Variants in MRPL2 observed in about 807,000 individuals in gnomAD.
MRPL2 encodes the protein large ribosomal subunit protein uL2m.
Under a neutral mutation model 34.6 loss-of-function variants are expected in MRPL2, and 27 were observed. That is an observed-to-expected ratio of 0.78 (90% confidence interval 0.58 to 1.08). The LOEUF (loss-of-function observed/expected upper bound fraction) is 1.08. MRPL2 is among the 50% of genes least tolerant of loss of function. The probability of loss-of-function intolerance (pLI) is 0.00; values close to 1 mark genes in which losing one functional copy is unlikely to be tolerated. For missense variants in MRPL2, 414 were observed against 419.3 expected (o/e 0.99, Z 0.11); for synonymous variants, 155 against 158.0 (o/e 0.98, Z 0.14).
rs1350279814 is a variant in MRPL2, at chr6:43,056,437, G to C, written c.274C>G (p.Arg92Gly). The change falls in exon 3 of 7, where the codon CGG (arginine) becomes GGG (glycine). Residue 92 changes from arginine (R) to glycine (G), a missense_variant. By Grantham distance (125) the Arg-to-Gly change is moderately radical. Coordinates refer to ENST00000388752, the MANE Select transcript of MRPL2 (RefSeq NM_015950.5). Reference protein sequence around the residue: ...SGGRDHTGRIRVHGIGGGHKQ... With the variant: ...SGGRDHTGRIGVHGIGGGHKQ... ...TGGCCCCCGCCAATACCATGCACCC[G>C]GATTCGGCCTGTGGTTTAGGACAGT... The C allele has an allele frequency of 6.2e-7, 1 of 1,614,034 alleles. No individual in the cohort carries two copies. Among genetic ancestry groups the C allele is most frequent in the Non-Finnish European group, 8.5e-7 (1 of 1,180,030 alleles).
chr6:43,055,413 T>C (rs1251326266), intron 6 of MRPL2, 132 bp downstream of exon 6: 1 of 801,656 alleles, frequency 1.2e-6, no homozygotes, highest in Non-Finnish European at 2.0e-6. Context: ...CTGAGTCATG[T>C]GGCAGAAAAG....
chr6:43,059,500 T>G (rs1486935137), upstream of MRPL2: 11 of 1,445,998 alleles, frequency 7.6e-6, no homozygotes, highest in Non-Finnish European at 1.0e-5. Context: ...GAGCCCAAGC[T>G]GGATACACAC....
At position 43,055,473 on chromosome 6, in the gene MRPL2, T is replaced by C; in HGVS notation, c.705+72A>G. 2.1e-6 allele frequency: 3 copies of C among 1,434,222 alleles called. No individual in the cohort carries two copies. In the South Asian group the frequency reaches 3.6e-5, roughly 17 times the overall value. The allele number at this position is 1,434,222 out of a possible 1,614,324, so 88.8% of individuals were successfully genotyped here. On this transcript the variant is annotated intron_variant, in intron 6 of 6. Coordinates refer to ENST00000388752, the MANE Select transcript of MRPL2 (RefSeq NM_015950.5). ...CTTGCATCATAAAACACCTGGGAGC[T>C]ATCCCAGACAGGAAAGTTACATTCC... is the stretch of plus-strand genomic sequence containing the variant.
upstream of MRPL2, chr6:43,059,704 C>T (rs181359651): frequency 2.3e-4 from 296 of 1,293,396 alleles, no homozygotes; most frequent in African/African-American, 4.1e-3. Context: ...TTGAGGGTAT[C>T]CTGGGGCTGA....
In MRPL2 at chr6:43,054,249, G is replaced by GGC. The variant is rs1554140894; in HGVS notation, c.*23_*24dup. The stretch of plus-strand genomic sequence containing the variant: ...GTAACAGATTAAAACGGGGGGGGGG[G>GGC]GCATTTTATTAGAGTACAGGGATAT... On this transcript the variant is annotated 3_prime_UTR_variant, in exon 7 of 7. Transcript: ENST00000388752. 1 of 1,378,386 alleles carries GGC rather than the reference G, an allele frequency of 7.3e-7. No individual in the cohort carries two copies. The highest frequency in any genetic ancestry group is 9.9e-7 in the Non-Finnish European group (1 of 1,008,120). The allele number at this position is 1,378,386 out of a possible 1,614,324, so 85.4% of individuals were successfully genotyped here.
At chr6:43,058,298 G>A in intron 1 of MRPL2, 65 bp from the exon 2 acceptor site, 1 of 1,521,928 alleles carries the variant, frequency 6.6e-7, no homozygotes, top group Non-Finnish European at 9.1e-7. Context: ...AGAGAACCAA[G>A]GCAGAGGGCA....
At chr6:43,059,177 G>C (rs888950423) in intron 1 of MRPL2, 109 bp downstream of exon 1, 7 of 1,550,530 alleles carry the variant, frequency 4.5e-6, no homozygotes, top group Admixed American at 3.9e-5. Flanking sequence ...CAAGGTCACG[G>C]ACCTGCATGA....
chr6:43,059,361 G>C lies in MRPL2; in HGVS notation c.21C>G (p.Thr7=). Residue 7 remains threonine (T), a synonymous_variant, in exon 1 of 7, where the codon ACC becomes ACG. Coordinates refer to ENST00000388752, the MANE Select transcript of MRPL2 (RefSeq NM_015950.5). MALCAL[T]RALRSLNLAP... is the part of the protein sequence containing the mutation. The stretch of plus-strand genomic sequence containing the variant: ...CCAGGTTCAGAGAGCGCAGAGCGCG[G>C]GTCAGTGCGCACAGGGCCATCAGCA... The C allele has an allele frequency of 6.4e-7, 1 of 1,552,062 alleles. No individual in the cohort carries two copies. The highest frequency in any genetic ancestry group is 1.2e-5 in the South Asian group (1 of 84,032).
chr6:43,059,335 G>C lies in MRPL2; in HGVS notation c.47C>G (p.Ala16Gly). The C allele has an allele frequency of 1.3e-6, 2 of 1,552,170 alleles. No individual in the cohort carries two copies. The highest frequency in any genetic ancestry group is 2.4e-5 in the South Asian group (2 of 84,058). ...GGCAGGGGCGGCGACGGTCGGGGGC[G>C]CCAGGTTCAGAGAGCGCAGAGCGCG... ...LTRALRSLNLAPPTVAAPAPS... is the reference protein window; with the variant it reads ...LTRALRSLNLGPPTVAAPAPS... The change falls in exon 1 of 7, where the codon GCG (alanine) becomes GGG (glycine). Residue 16 changes from alanine to glycine, a missense_variant. Transcript: ENST00000388752.
chr6:43,056,526 C>T, intron 2 of MRPL2, 81 bp from the exon 3 acceptor site: 1 of 1,550,764 alleles, frequency 6.4e-7, no homozygotes, highest in South Asian at 1.2e-5. Context: ...CCATTCTCTG[C>T]CAGAGAGCAG....
intron 2 of MRPL2, among the ~76,000 whole-genome samples, chr6:43,057,324 G>A (rs1421850011): frequency 2.0e-5 from 3 of 151,716 alleles, no homozygotes; most frequent in East Asian, 1.9e-4. Context: ...GGGATTACAG[G>A]TGCCCACCAC....
rs578120649 is a variant in MRPL2, at chr6:43,054,636, C to T, written c.706-150G>A. 90 of 651,486 alleles carry T rather than the reference C, an allele frequency of 1.4e-4. No individual in the cohort carries two copies. In the Middle Eastern group the frequency reaches 2.9e-3, roughly 21 times the overall value. 40.4% of individuals were successfully genotyped at this position (651,486 alleles called of 1,614,324 possible). A position where few individuals can be genotyped will look rare whatever the true frequency, so the allele number is the denominator to read the frequency against. On this transcript the variant is annotated intron_variant, in intron 6 of 6. Transcript: ENST00000388752. ...AAGATGGCTGACACTAAGTGAAGGTCCTACAGTAGGAACTAAGTAGTTGAA... is the reference window on the plus strand; with the variant it reads ...AAGATGGCTGACACTAAGTGAAGGTTCTACAGTAGGAACTAAGTAGTTGAA...
rs372494027 is a variant in MRPL2, at chr6:43,054,247, G to T, written c.*27C>A. ...CAGTAACAGATTAAAACGGGGGGGG[G>T]GGGCATTTTATTAGAGTACAGGGAT... On this transcript the variant is annotated 3_prime_UTR_variant, in exon 7 of 7. Coordinates refer to ENST00000388752, the MANE Select transcript of MRPL2 (RefSeq NM_015950.5). The T allele has an allele frequency of 4.2e-5, 59 of 1,392,424 alleles. No homozygotes were observed. The highest frequency in any genetic ancestry group is 5.3e-5 in the Non-Finnish European group (54 of 1,020,286). The allele number at this position is 1,392,424 out of a possible 1,614,324, so 86.3% of individuals were successfully genotyped here.
In MRPL2 at chr6:43,058,177, GCGGCAGGGGAGCAA is replaced by G. The variant is rs1393335798; in HGVS notation, c.139_152del (p.Leu47ProfsTer9). On this transcript the variant is annotated frameshift_variant, in exon 2 of 7. Transcript: ENST00000388752. LOFTEE classifies it high-confidence loss of function. ...TAAGGGCCACAGAAGTAAGAACTGG[GCGGCAGGGGAGCAA>G]CATCAAGGCAGAGGGCTGTTGGAGG... 1 of 1,614,204 alleles carries G rather than the reference GCGGCAGGGGAGCAA, an allele frequency of 6.2e-7. No homozygotes were observed. The highest frequency in any genetic ancestry group is 8.5e-7 in the Non-Finnish European group (1 of 1,180,034).
Position 43,054,238 on chromosome 6 carries a change from C to CGGGG in MRPL2, c.*32_*35dup, listed in dbSNP as rs34298469. 11 of 983,732 alleles carry CGGGG rather than the reference C, an allele frequency of 1.1e-5. No individual in the cohort carries two copies. The highest frequency in any genetic ancestry group is 5.9e-5 in the East Asian group (2 of 34,128). 60.9% of individuals were successfully genotyped at this position (983,732 alleles called of 1,614,324 possible). On this transcript the variant is annotated 3_prime_UTR_variant, in exon 7 of 7. Coordinates refer to ENST00000388752, the MANE Select transcript of MRPL2 (RefSeq NM_015950.5). ...ACAAAACCACAGTAACAGATTAAAACGGGGGGGGGGGGCATTTTATTAGAG... is the reference window on the plus strand; with the variant it reads ...ACAAAACCACAGTAACAGATTAAAACGGGGGGGGGGGGGGGGCATTTTATTAGAG...
intron 2 of MRPL2, among the ~76,000 whole-genome samples, chr6:43,056,658 A>C (rs186668732): frequency 6.6e-5 from 10 of 152,304 alleles, no homozygotes; most frequent in African/African-American, 2.4e-4. Flanking sequence ...AAATTGTATA[A>C]AACTTCCAGA....
chr6:43,054,921 T>A, intron 6 of MRPL2, among the ~76,000 whole-genome samples: 1 of 146,838 alleles, frequency 6.8e-6, no homozygotes, highest in East Asian at 2.0e-4. Context: ...CTACAAAAAA[T>A]ACGAAAATTA....
In MRPL2 at chr6:43,054,068, C is replaced by A; in HGVS notation, c.*206G>T. The stretch of plus-strand genomic sequence containing the variant: ...TTTATTTCCATCCCCGGCTCCATTA[C>A]TTGTAAGGGAATTGGGGTGGGGACA... On this transcript the variant is annotated 3_prime_UTR_variant, in exon 7 of 7. Coordinates refer to ENST00000388752, the MANE Select transcript of MRPL2 (RefSeq NM_015950.5). The A allele has an allele frequency of 1.6e-6, 1 of 639,170 alleles. No individual in the cohort carries two copies. The highest frequency in any genetic ancestry group is 2.0e-5 in the South Asian group (1 of 51,008). The allele number at this position is 639,170 out of a possible 1,614,324, so 39.6% of individuals were successfully genotyped here.
intron 1 of MRPL2, 89 bp from the exon 2 acceptor site, chr6:43,058,322 G>C: frequency 7.6e-7 from 1 of 1,316,160 alleles, no homozygotes; most frequent in Admixed American, 2.0e-5. Context: ...ATCAATTTTA[G>C]CTTGTAGCCC....
Sources: allele counts gnomAD v4.1 joint callset (sites outside exome capture counted in the v4.1 genomes callset), GRCh38; gene constraint gnomAD v4.1.1; transcripts MANE v1.5; gene names NCBI Gene and HGNC (gene_info 2026-07-23, HGNC 2026-07-21).